Variants in ST3GAL1 observed in about 807,000 individuals in gnomAD.
The protein encoded by ST3GAL1 is ST3 beta-galactoside alpha-2,3-sialyltransferase 1, also known as CMP-N-acetylneuraminate-beta-galactosamide-alpha-2,3-sialyltransferase 1.
In ST3GAL1, 16 loss-of-function variants were observed where a neutral mutation model predicts 34.1. The ratio of observed to expected loss-of-function variants is 0.47; its 90% CI spans 0.32 to 0.71. ST3GAL1 has a LOEUF of 0.71. ST3GAL1 is among the 30% of genes least tolerant of loss of function. ST3GAL1 has a pLI of 0.04. For missense variants in ST3GAL1, 353 were observed against 447.4 expected, an observed-to-expected ratio of 0.79 and a Z score of 1.90; for synonymous variants, 191 against 184.7, an observed-to-expected ratio of 1.03 and a Z score of -0.28.
intron 1 of ST3GAL1, among the ~76,000 whole-genome samples, chr8:133,551,091 C>T (rs191080757): frequency 6.6e-5 from 10 of 152,238 alleles, no homozygotes; most frequent in African/African-American, 2.2e-4. Flanking sequence ...TTTTCTGAGG[C>T]CTGTGGGCAT....
intron 3 of ST3GAL1, among the ~76,000 whole-genome samples, chr8:133,496,192 T>A (rs549113316): frequency 5.0e-4 from 76 of 152,304 alleles, no homozygotes; most frequent in Middle Eastern, 6.8e-3. Flanking sequence ...CAGATAAAAT[T>A]GCATCCTGAG....
At chr8:133,532,328 C>T (rs780166147) in intron 2 of ST3GAL1, among the ~76,000 whole-genome samples, 5 of 151,886 alleles carry the variant, frequency 3.3e-5, no homozygotes, top group African/African-American at 4.8e-5. Flanking sequence ...AAAAATTAGC[C>T]GGGTGCAGTG....
intron 2 of ST3GAL1, chr8:133,544,129 C>T (rs1167226159): frequency 4.6e-5 from 7 of 151,844 alleles, no homozygotes; most frequent in African/African-American, 1.7e-4. Context: ...GAAAGCCCAA[C>T]TTCTAAATGC....
At chr8:133,502,177 G>A (rs1817175420) in intron 2 of ST3GAL1, among the ~76,000 whole-genome samples, 1 of 152,098 alleles carries the variant, frequency 6.6e-6, no homozygotes, top group Non-Finnish European at 1.5e-5. Flanking sequence ...GGTACTAAGA[G>A]CAGCTTAGCT....
At chr8:133,539,237 C>T (rs913844737) in intron 2 of ST3GAL1, among the ~76,000 whole-genome samples, 2 of 152,176 alleles carry the variant, frequency 1.3e-5, no homozygotes, top group South Asian at 2.1e-4. Context: ...TTCCCTGAGC[C>T]CAAGCACAAG....
intron 1 of ST3GAL1, among the ~76,000 whole-genome samples, chr8:133,563,260 T>C (rs1466148961): frequency 6.6e-6 from 1 of 152,230 alleles, no homozygotes; most frequent in East Asian, 1.9e-4. Flanking sequence ...CAAAAGTCAC[T>C]TGTAACCCTC....
intron 2 of ST3GAL1, among the ~76,000 whole-genome samples, chr8:133,510,702 C>T (rs1213128794): frequency 6.6e-6 from 1 of 152,204 alleles, no homozygotes; most frequent in African/African-American, 2.4e-5. Flanking sequence ...CACCGTTCCT[C>T]AGTTGCACCA....
intron 2 of ST3GAL1, among the ~76,000 whole-genome samples, chr8:133,540,734 TATATA>T (rs1818444273): frequency 4.1e-5 from 4 of 97,340 alleles, no homozygotes; most frequent in Non-Finnish European, 6.0e-5. Context: ...TAGACATATA[TATATA>T]TATAGACATA....
intron 1 of ST3GAL1, among the ~76,000 whole-genome samples, chr8:133,561,279 A>G (rs1287696900): frequency 1.3e-5 from 2 of 152,074 alleles, no homozygotes; most frequent in East Asian, 1.9e-4. Flanking sequence ...CTGCAAGAAA[A>G]GGATTTACAT....
At chr8:133,561,545 G>A (rs907956193) in intron 1 of ST3GAL1, among the ~76,000 whole-genome samples, 2 of 152,116 alleles carry the variant, frequency 1.3e-5, no homozygotes, top group African/African-American at 4.8e-5. Flanking sequence ...TGGTCGTGGT[G>A]GTTGTGTTAT....
Position 133,529,529 on chromosome 8 carries a change from G to GAA in ST3GAL1, c.-429+16243_-429+16244dup, listed in dbSNP as rs547803108. On this transcript the variant is annotated intron_variant, in intron 2 of 9. Transcript: ENST00000522652. ...AGGACGCCAGGCGAGAGCTAACATG[G>GAA]AATATCAAGGGACCCAGAGGAGGGG... Among the ~76,000 whole-genome samples the GAA allele has an allele frequency of 1.6e-4, 25 of 152,292 alleles. No individual in the cohort carries two copies. In the South Asian group the frequency reaches 5.0e-3, roughly 30 times the overall value.
chr8:133,554,666 T>A (rs1385375256), intron 1 of ST3GAL1, among the ~76,000 whole-genome samples: 1 of 152,108 alleles, frequency 6.6e-6, no homozygotes, highest in Non-Finnish European at 1.5e-5. Context: ...ACTGAACACC[T>A]GCTTTCCTCC....
In ST3GAL1 at chr8:133,508,958, A is replaced by G. The variant is rs1817426746; in HGVS notation, c.-428-9769T>C. The stretch of plus-strand genomic sequence containing the variant: ...GAAGTCCCTTGTCTCTGATCCAGGA[A>G]GCTCCTGTCTTCTGCCAGCATCTGT... On this transcript the variant is annotated intron_variant, in intron 2 of 9. Transcript: ENST00000522652. This position sits in a 1 kb window ranked among gnomAD's most constrained non-coding sequence, Gnocchi z 4.1. Among the ~76,000 whole-genome samples the G allele has an allele frequency of 6.6e-6, 1 of 152,080 alleles. No individual in the cohort carries two copies. The highest frequency in any genetic ancestry group is 6.6e-5 in the Admixed American group (1 of 15,262).
chr8:133,550,671 C>T (rs962596991), intron 1 of ST3GAL1, among the ~76,000 whole-genome samples: 2 of 152,180 alleles, frequency 1.3e-5, no homozygotes, highest in Admixed American at 6.5e-5. Flanking sequence ...CCAAGAGACT[C>T]GGAAGCAAGA....
chr8:133,514,084 C>G (rs998313479), intron 2 of ST3GAL1, among the ~76,000 whole-genome samples: 1 of 152,128 alleles, frequency 6.6e-6, no homozygotes, highest in Non-Finnish European at 1.5e-5. Flanking sequence ...GCACACAACA[C>G]AAATTTTTTA....
At chr8:133,551,944 C>T (rs778696469) in intron 1 of ST3GAL1, among the ~76,000 whole-genome samples, 6 of 152,176 alleles carry the variant, frequency 3.9e-5, no homozygotes, top group Admixed American at 1.3e-4. Flanking sequence ...AAGTAATTTG[C>T]TCAAGGTCAT....
chr8:133,541,120 T>TATAGAG lies in ST3GAL1; in HGVS notation c.-429+4653_-429+4654insCTCTAT, dbSNP rs71299078. ...ACATATATATATATATATATATATATAGAGAGAGAGAGAGAGAGAGAGAGA... is the reference window on the plus strand; with the variant it reads ...ACATATATATATATATATATATATATATAGAGAGAGAGAGAGAGAGAGAGAGAGAGA... On this transcript the variant is annotated intron_variant, in intron 2 of 9. Coordinates refer to ENST00000522652, the MANE Select transcript of ST3GAL1 (RefSeq NM_173344.3). Among the ~76,000 whole-genome samples the TATAGAG allele has an allele frequency of 7.2e-4, 35 of 48,630 alleles. 2 individuals carry two copies. Among genetic ancestry groups the TATAGAG allele is most frequent in the East Asian group, 2.6e-3 (5 of 1,948 alleles). 31.9% of individuals were successfully genotyped at this position (48,630 alleles called of 152,430 possible).
intron 3 of ST3GAL1, among the ~76,000 whole-genome samples, chr8:133,486,825 A>G (rs1157886369): frequency 6.6e-6 from 1 of 152,238 alleles, no homozygotes; most frequent in Admixed American, 6.5e-5. Flanking sequence ...GGGCCACTTC[A>G]GAAGCCGAGG....
chr8:133,506,345 T>G (rs142093167), intron 2 of ST3GAL1, among the ~76,000 whole-genome samples: 40 of 152,366 alleles, frequency 2.6e-4, no homozygotes, highest in Non-Finnish European at 5.1e-4. Context: ...TACAAAGCGA[T>G]CTGCCCAGCT....
Sources: allele counts gnomAD v4.1 joint callset (sites outside exome capture counted in the v4.1 genomes callset), GRCh38; gene constraint gnomAD v4.1.1; non-coding constraint Gnocchi (gnomAD v3.1); transcripts MANE v1.5; gene names NCBI Gene and HGNC (gene_info 2026-07-23, HGNC 2026-07-21).